SKAP1: variants seen among roughly 807,000 people sequenced by gnomAD.
SKAP1 encodes src kinase associated phosphoprotein 1.
SKAP1 carries 44 observed loss-of-function variants against 58.5 expected under a neutral mutation model. That is an observed-to-expected ratio of 0.75 (90% CI 0.59 to 0.97). SKAP1 has a LOEUF of 0.97. Among genes scored for constraint, SKAP1 ranks in the 50% least tolerant of loss-of-function variants. The pLI, the probability that SKAP1 is intolerant of heterozygous loss-of-function variation, is 0.00. For synonymous variants in SKAP1, 127 were observed against 149.7 expected, an observed-to-expected ratio of 0.85 and a Z score of 1.11; for missense variants, 390 against 435.2, an observed-to-expected ratio of 0.90 and a Z score of 0.92.
At chr17:48,364,073 C>T (rs751916655) in intron 2 of SKAP1, among the ~76,000 whole-genome samples, 3 of 152,180 alleles carry the variant, frequency 2.0e-5, no homozygotes, top group Non-Finnish European at 4.4e-5. Context: ...TAAAAGGGAA[C>T]CTAGCGGTGG....
intron 6 of SKAP1, among the ~76,000 whole-genome samples, chr17:48,186,223 T>G (rs1305617030): frequency 6.6e-6 from 1 of 152,160 alleles, no homozygotes; most frequent in Non-Finnish European, 1.5e-5. Flanking sequence ...GTTGCTGGGT[T>G]GGAGAGTGGG....
At chr17:48,442,998 C>G in the SKAP1 span, among the ~76,000 whole-genome samples, 1 of 152,186 alleles carries the variant, frequency 6.6e-6, no homozygotes, top group Non-Finnish European at 1.5e-5. Context: ...TACTCTCCAT[C>G]ATCTTCAGTA....
chr17:48,305,260 C>T (rs1567861065), intron 4 of SKAP1, among the ~76,000 whole-genome samples: 1 of 152,132 alleles, frequency 6.6e-6, no homozygotes, highest in Non-Finnish European at 1.5e-5. Flanking sequence ...TCATGGCTCA[C>T]TGCAGCCTCA....
chr17:48,418,477 G>C (rs1186624431), intron 1 of SKAP1, among the ~76,000 whole-genome samples: 1 of 152,130 alleles, frequency 6.6e-6, no homozygotes, highest in East Asian at 1.9e-4. Context: ...TAAGGATATG[G>C]AGCAACAGGA....
In SKAP1 at chr17:48,314,188, T is replaced by C. The variant is rs985276213; in HGVS notation, c.280+31717A>G. Among the ~76,000 whole-genome samples the C allele has an allele frequency of 3.3e-5, 5 of 152,352 alleles. No homozygotes were observed. In the East Asian group the frequency reaches 5.8e-4, roughly 18 times the overall value. ...AAAGAAGAAATTGTTCTCACTTCTTTATGTCATAGTTTATATACAGGGGCA... is the reference window on the plus strand; with the variant it reads ...AAAGAAGAAATTGTTCTCACTTCTTCATGTCATAGTTTATATACAGGGGCA... On this transcript the variant is annotated intron_variant, in intron 4 of 12. Coordinates refer to ENST00000336915, the MANE Select transcript of SKAP1 (RefSeq NM_003726.4).
chr17:48,140,327 A>G (rs1397474336), intron 11 of SKAP1, among the ~76,000 whole-genome samples: 1 of 152,144 alleles, frequency 6.6e-6, no homozygotes, highest in Non-Finnish European at 1.5e-5. Context: ...TATGATAATT[A>G]TACTCTCCTG....
At chr17:48,259,347 T>C (rs1420527721) in intron 4 of SKAP1, among the ~76,000 whole-genome samples, 1 of 152,090 alleles carries the variant, frequency 6.6e-6, no homozygotes, top group Non-Finnish European at 1.5e-5. Flanking sequence ...CATAATAACA[T>C]TGGGTATTAA....
At chr17:48,184,983 ATTAGAGAAGC>A (rs1434569413) in intron 6 of SKAP1, 136 bp from the exon 7 acceptor site, 1 of 815,180 alleles carries the variant, frequency 1.2e-6, no homozygotes, top group Non-Finnish European at 1.9e-6. Flanking sequence ...AGGAAAGGTT[ATTAGAGAAGC>A]TTAAGAAGAG....
intron 4 of SKAP1, among the ~76,000 whole-genome samples, chr17:48,287,757 C>T (rs1367387841): frequency 2.0e-5 from 3 of 152,136 alleles, no homozygotes; most frequent in Non-Finnish European, 4.4e-5. Flanking sequence ...GTCAAATACC[C>T]GTCAGCTGTA....
chr17:48,444,164 G>C, the SKAP1 span, among the ~76,000 whole-genome samples: 2 of 99,298 alleles, frequency 2.0e-5, no homozygotes, highest in South Asian at 1.0e-3. Flanking sequence ...GAAGGCTAAG[G>C]CGGGTGGATC....
chr17:48,377,249 C>G (rs2067161354), intron 2 of SKAP1: 1 of 152,058 alleles, frequency 6.6e-6, no homozygotes, highest in Non-Finnish European at 1.5e-5. Context: ...CCAGTTATCA[C>G]TAAGGGTTCG....
intron 4 of SKAP1, among the ~76,000 whole-genome samples, chr17:48,321,417 A>G (rs993290697): frequency 6.7e-6 from 1 of 150,056 alleles, no homozygotes; most frequent in Admixed American, 6.7e-5. Flanking sequence ...TCGCTCTGTC[A>G]CCCAGGCTGG....
intron 4 of SKAP1, among the ~76,000 whole-genome samples, chr17:48,249,850 G>A (rs1373484967): frequency 6.6e-6 from 1 of 152,082 alleles, no homozygotes; most frequent in East Asian, 1.9e-4. Context: ...GGCCTTATAA[G>A]TGAGTGAGAA....
At position 48,356,564 on chromosome 17, in the gene SKAP1, G is replaced by T. The variant is rs923930473; in HGVS notation, c.178+7225C>A. Among the ~76,000 whole-genome samples, 8 of 152,102 alleles carry T rather than the reference G, an allele frequency of 5.3e-5. No homozygotes were observed. The South Asian group carries it at 1.7e-3, about 32-fold the overall frequency. On this transcript the variant is annotated intron_variant, in intron 3 of 12. Transcript: ENST00000336915. ...AATTTTTGTATCTAATATAACAAGG[G>T]TCTCTGTGTGTGTGGCATATGTATT...
At chr17:48,249,990 T>G (rs1486069345) in intron 4 of SKAP1, among the ~76,000 whole-genome samples, 1 of 151,776 alleles carries the variant, frequency 6.6e-6, no homozygotes. Flanking sequence ...TGTTGCTTTC[T>G]GCCTGAAGCA....
At chr17:48,188,567 G>A (rs889998140) in intron 5 of SKAP1, among the ~76,000 whole-genome samples, 2 of 152,156 alleles carry the variant, frequency 1.3e-5, no homozygotes, top group African/African-American at 4.8e-5. Flanking sequence ...TGCACCTGTT[G>A]TCTCAGCTCT....
In SKAP1 at chr17:48,162,624, C is replaced by T. The variant is rs558233547; in HGVS notation, c.878-55G>A. 4 of 1,329,262 alleles carry T rather than the reference C, an allele frequency of 3.0e-6. No individual in the cohort carries two copies. The South Asian group carries it at 3.7e-5, about 12-fold the overall frequency. 82.3% of individuals were successfully genotyped at this position (1,329,262 alleles called of 1,614,324 possible). A position where few individuals can be genotyped will look rare whatever the true frequency, so the allele number is the denominator to read the frequency against. On this transcript the variant is annotated intron_variant, in intron 10 of 12. Transcript: ENST00000336915. The stretch of plus-strand genomic sequence containing the variant: ...AAAGGACTCTATTTTTTCCGAGGTA[C>T]CCATGTTTTTGCTGCAAATGGAAAC...
At chr17:48,359,155 A>G (rs2066908009) in intron 3 of SKAP1, among the ~76,000 whole-genome samples, 1 of 152,182 alleles carries the variant, frequency 6.6e-6, no homozygotes, top group African/African-American at 2.4e-5. Context: ...AAGTTTAAAC[A>G]TGTATAAAAG....
chr17:48,188,030 C>T, intron 5 of SKAP1, 104 bp from the exon 6 acceptor site: 3 of 826,514 alleles, frequency 3.6e-6, no homozygotes, highest in Non-Finnish European at 6.0e-6. Context: ...GTTTTATTTC[C>T]CAGGTTAATG....
Sources: gnomAD v4.1 joint callset for allele counts (sites outside exome capture counted in the v4.1 genomes callset) on GRCh38, gnomAD v4.1.1 for gene constraint, MANE v1.5 for transcripts, NCBI Gene and HGNC (gene_info 2026-07-23, HGNC 2026-07-21) for gene names.